KALRN: variants seen among roughly 807,000 people sequenced by gnomAD.
The protein encoded by KALRN is kalirin.
KALRN carries 70 observed loss-of-function variants against 353.7 expected under a neutral mutation model. The ratio of observed to expected loss-of-function variants is 0.20; its 90% confidence interval spans 0.16 to 0.24. KALRN has a LOEUF of 0.24. KALRN is among the 10% of genes least tolerant of loss of function. The pLI, the probability that KALRN is intolerant of heterozygous loss-of-function variation, is 1.00. For synonymous variants in KALRN, 1,391 were observed against 1,434.8 expected (o/e 0.97, Z 0.69); for missense variants, 2,791 against 3,756.7 (o/e 0.74, Z 6.72).
chr3:124,542,942 G>T (rs762856455), intron 33 of KALRN, among the ~76,000 whole-genome samples: 18 of 152,194 alleles, frequency 1.2e-4, no homozygotes, highest in Non-Finnish European at 2.4e-4. Context: ...GGTAGTCAAG[G>T]TGTTGCTTGG....
chr3:124,443,170 A>G lies in KALRN; in HGVS notation c.3313+1111A>G, dbSNP rs1052703332. Among the ~76,000 whole-genome samples the G allele has an allele frequency of 6.6e-4, 100 of 152,362 alleles. 1 individual carries two copies. The highest frequency in any genetic ancestry group is 2.4e-3 in the African/African-American group (99 of 41,582). ...GATAATAAATATATAACTTTTAAAA[A>G]TTGCCTATTATCTGACCATGTGAAA... On this transcript the variant is annotated intron_variant, in intron 19 of 59. Coordinates refer to ENST00000682506, the MANE Select transcript of KALRN (RefSeq NM_001388419.1).
chr3:124,160,471 G>A (rs886968290), intron 1 of KALRN, among the ~76,000 whole-genome samples: 3 of 152,190 alleles, frequency 2.0e-5, no homozygotes, highest in East Asian at 3.9e-4. Flanking sequence ...AAGTGGATGG[G>A]ATGTGGGTTT....
At chr3:124,614,883 T>C (rs1237493745) in intron 34 of KALRN, among the ~76,000 whole-genome samples, 1 of 152,210 alleles carries the variant, frequency 6.6e-6, no homozygotes, top group Non-Finnish European at 1.5e-5. Flanking sequence ...ACCACCTTCA[T>C]TATACACTGT....
chr3:124,385,343 A>C (rs1201946109), intron 11 of KALRN, among the ~76,000 whole-genome samples: 3 of 152,148 alleles, frequency 2.0e-5, no homozygotes, highest in Non-Finnish European at 4.4e-5. Flanking sequence ...AGCAATAGTC[A>C]CTGCAAGAAG....
intron 33 of KALRN, among the ~76,000 whole-genome samples, chr3:124,555,949 C>T (rs1245767354): frequency 6.6e-6 from 1 of 152,060 alleles, no homozygotes; most frequent in African/African-American, 2.4e-5. Context: ...GTTAGAGATT[C>T]AATATAGAAA....
At chr3:124,607,864 C>T (rs1015937428) in intron 34 of KALRN, among the ~76,000 whole-genome samples, 1 of 152,148 alleles carries the variant, frequency 6.6e-6, no homozygotes, top group Non-Finnish European at 1.5e-5. Context: ...CTCAGCCTCC[C>T]AAAATGTTGG....
At chr3:124,454,216 C>T (rs1394332171) in intron 21 of KALRN, among the ~76,000 whole-genome samples, 1 of 152,246 alleles carries the variant, frequency 6.6e-6, no homozygotes, top group African/African-American at 2.4e-5. Flanking sequence ...TATTTAGATC[C>T]TGGCATGTGC....
At chr3:124,047,666 TTTA>T (rs1273556018) in intron 1 of KALRN, among the ~76,000 whole-genome samples, 2 of 140,266 alleles carry the variant, frequency 1.4e-5, no homozygotes. Flanking sequence ...CTAATTTTTT[TTTA>T]TTTTTTTTTA....
intron 18 of KALRN, among the ~76,000 whole-genome samples, chr3:124,440,250 A>G (rs2093626157): frequency 6.6e-6 from 1 of 152,190 alleles, no homozygotes; most frequent in Admixed American, 6.5e-5. Context: ...GCATATAAAA[A>G]TCTCAAACAG....
chr3:124,681,356 CTGAG>C (rs747722752), intron 51 of KALRN, among the ~76,000 whole-genome samples: 1 of 152,168 alleles, frequency 6.6e-6, no homozygotes, highest in Non-Finnish European at 1.5e-5. Context: ...TTTGCATGGG[CTGAG>C]TGAGATGGGT....
chr3:124,397,568 T>G (rs760882927), intron 12 of KALRN, among the ~76,000 whole-genome samples: 6 of 152,220 alleles, frequency 3.9e-5, no homozygotes, highest in Non-Finnish European at 5.9e-5. Flanking sequence ...GCCAGTTTAT[T>G]TCAAGTTTTA....
intron 5 of KALRN, among the ~76,000 whole-genome samples, chr3:124,272,346 A>G (rs930890650): frequency 6.6e-6 from 1 of 152,216 alleles, no homozygotes; most frequent in Admixed American, 6.5e-5. Context: ...GTGTGTTTCT[A>G]TTGGAGTCAG....
At position 124,298,378 on chromosome 3, in the gene KALRN, G is replaced by A. The variant is rs990338813; in HGVS notation, c.970-413G>A. ...GGCAGTGTATAAGGGGGGCAGAGGC[G>A]AGTAAGGATGTCCCTGTTGCTTCCT... On this transcript the variant is annotated intron_variant, in intron 5 of 59. Transcript: ENST00000682506. Among the ~76,000 whole-genome samples, 3 of 152,168 alleles carry A rather than the reference G, an allele frequency of 2.0e-5. 1 individual carries two copies. Among genetic ancestry groups the A allele is most frequent in the African/African-American group, 7.2e-5 (3 of 41,426 alleles).
At chr3:124,711,929 A>G (rs11918310) in intron 57 of KALRN, among the ~76,000 whole-genome samples, 17,389 of 152,222 alleles carry the variant, frequency 0.11, 1,061 homozygotes, top group African/African-American at 0.14. Context: ...TTCCATAATA[A>G]GAAGATAACA....
In KALRN at chr3:124,395,178, A is replaced by T; in HGVS notation, c.2006A>T (p.Asp669Val). ...MEDLQKEMLE[D>V]VCADSVDAVQ... ...GACCTTCAGAAGGAGATGTTGGAGG[A>T]TGTCTGTGCAGATTCTGTGGATGCA... Residue 669 changes from aspartate to valine, a missense_variant, in exon 12 of 60, where the codon GAT becomes GTT. Around this residue, in one of 11 missense-constraint regions of KALRN, gnomAD observed 452 missense variants for 575.8 expected, o/e 0.78. Coordinates refer to ENST00000682506, the MANE Select transcript of KALRN (RefSeq NM_001388419.1). The T allele has an allele frequency of 6.2e-7, 1 of 1,613,422 alleles. No homozygotes were observed. The highest frequency in any genetic ancestry group is 8.5e-7 in the Non-Finnish European group (1 of 1,179,842).
At chr3:124,319,777 G>A (rs866587437) in intron 6 of KALRN, among the ~76,000 whole-genome samples, 1 of 151,996 alleles carries the variant, frequency 6.6e-6, no homozygotes, top group South Asian at 2.1e-4. Flanking sequence ...CGGATCACTT[G>A]AGGTCAGGAG....
intron 1 of KALRN, chr3:124,162,474 C>T (rs772766772): frequency 3.9e-5 from 6 of 152,106 alleles, no homozygotes; most frequent in Non-Finnish European, 7.4e-5. Context: ...TATCTGAACT[C>T]GGAATATTAT....
At chr3:124,172,355 G>T (rs2071971864) in intron 1 of KALRN, among the ~76,000 whole-genome samples, 1 of 152,172 alleles carries the variant, frequency 6.6e-6, no homozygotes, top group African/African-American at 2.4e-5. Flanking sequence ...TAGGATAAAT[G>T]TACAAGGAGG....
intron 13 of KALRN, among the ~76,000 whole-genome samples, chr3:124,412,307 T>C (rs777748843): frequency 3.3e-5 from 5 of 152,134 alleles, no homozygotes; most frequent in Non-Finnish European, 5.9e-5. Context: ...CCCAGCATCA[T>C]GAAAACCACT....
Sources: allele counts gnomAD v4.1 joint callset (sites outside exome capture counted in the v4.1 genomes callset), GRCh38; gene constraint gnomAD v4.1.1; regional missense constraint gnomAD v4.1.1; transcripts MANE v1.5; gene names NCBI Gene and HGNC (gene_info 2026-07-23, HGNC 2026-07-21).